The following SLC7A9 variants were observed in gnomAD, a reference collection of about 807,000 sequenced individuals.
SLC7A9 encodes solute carrier family 7 member 9, also known as B(0,+)-type amino acid transporter 1.
Under a neutral mutation model 54.1 loss-of-function variants are expected in SLC7A9, and 38 were observed. That is an observed-to-expected ratio of 0.70 (90% CI 0.54 to 0.92). The LOEUF is 0.92. Ranked by LOEUF, SLC7A9 falls within the 40% of genes least tolerant of loss-of-function variation. The pLI is 0.00. For synonymous variants in SLC7A9, 264 were observed against 258.9 expected, an observed-to-expected ratio of 1.02 and a Z score of -0.19; for missense variants, 537 against 636.1, an observed-to-expected ratio of 0.84 and a Z score of 1.68.
chr19:32,837,148 C>T (rs1362535351), intron 11 of SLC7A9, among the ~76,000 whole-genome samples: 1 of 152,058 alleles, frequency 6.6e-6, no homozygotes, highest in African/African-American at 2.4e-5. Flanking sequence ...GAGTGATGTT[C>T]TATGGAAGAA....
chr19:32,832,986 C>T (rs1010020448), intron 12 of SLC7A9, 163 bp downstream of exon 12: 4 of 739,326 alleles, frequency 5.4e-6, no homozygotes, highest in African/African-American at 5.2e-5. Flanking sequence ...AAGGGTGGAC[C>T]CAGAGGTGTA....
At chr19:32,831,865 G>A (rs575987462) in intron 12 of SLC7A9, among the ~76,000 whole-genome samples, 1 of 152,366 alleles carries the variant, frequency 6.6e-6, no homozygotes, top group Admixed American at 6.5e-5. Flanking sequence ...ATCAGACAAA[G>A]GAGAATGGTG....
At chr19:32,856,008 AC>A (rs1968616738) in intron 9 of SLC7A9, among the ~76,000 whole-genome samples, 1 of 152,152 alleles carries the variant, frequency 6.6e-6, no homozygotes, top group South Asian at 2.1e-4. Context: ...AAAAATTCAA[AC>A]ATAGCAATAG....
At chr19:32,839,709 C>A (rs555025804) in intron 11 of SLC7A9, among the ~76,000 whole-genome samples, 33 of 152,262 alleles carry the variant, frequency 2.2e-4, no homozygotes, top group Non-Finnish European at 3.4e-4. Context: ...TTGCTCCACT[C>A]TCTTGCAGCA....
At position 32,850,389 on chromosome 19, in the gene SLC7A9, C is replaced by T. The variant is rs1312284253; in HGVS notation, c.978-6438G>A. 6.0e-5 allele frequency among the ~76,000 whole-genome samples: 9 copies of T among 150,940 alleles called. 1 individual carries two copies. The highest frequency in any genetic ancestry group is 8.8e-5 in the Non-Finnish European group (6 of 67,836). On this transcript the variant is annotated intron_variant, in intron 9 of 12. Coordinates refer to ENST00000023064, the MANE Select transcript of SLC7A9 (RefSeq NM_014270.5). ...CACAAGCATTCTTATACACCAATAACAGACAGAGAGCCAAATCATGAGTGA... is the reference window on the plus strand; with the variant it reads ...CACAAGCATTCTTATACACCAATAATAGACAGAGAGCCAAATCATGAGTGA...
At chr19:32,847,778 G>C (rs1434157463) in intron 9 of SLC7A9, among the ~76,000 whole-genome samples, 1 of 152,212 alleles carries the variant, frequency 6.6e-6, no homozygotes, top group African/African-American at 2.4e-5. Context: ...GCTAAGGGCA[G>C]CCAGAGAGAA....
At chr19:32,837,075 C>T (rs935141181) in intron 11 of SLC7A9, among the ~76,000 whole-genome samples, 7 of 152,086 alleles carry the variant, frequency 4.6e-5, no homozygotes, top group African/African-American at 1.4e-4. Flanking sequence ...TCCATTCTCT[C>T]GTGTTGTTTT....
intron 9 of SLC7A9, 123 bp downstream of exon 9, chr19:32,858,317 A>G (rs1462591766): frequency 8.3e-6 from 6 of 722,938 alleles, no homozygotes; most frequent in Non-Finnish European, 1.2e-5. Context: ...TGGGTCTCCT[A>G]CTTGTACTGG....
intron 11 of SLC7A9, among the ~76,000 whole-genome samples, chr19:32,837,542 A>G (rs1967997804): frequency 6.6e-6 from 1 of 152,020 alleles, no homozygotes; most frequent in Non-Finnish European, 1.5e-5. Flanking sequence ...CCCAACCAAA[A>G]AACAGTAAAT....
chr19:32,852,115 A>G (rs1165508583), intron 9 of SLC7A9, among the ~76,000 whole-genome samples: 1 of 152,122 alleles, frequency 6.6e-6, no homozygotes, highest in Non-Finnish European at 1.5e-5. Context: ...TGGCACATGT[A>G]TACATATGTA....
chr19:32,867,800 C>T (rs1342226812), intron 2 of SLC7A9, among the ~76,000 whole-genome samples: 1 of 151,264 alleles, frequency 6.6e-6, no homozygotes, highest in East Asian at 2.0e-4. Flanking sequence ...CAAAAATTAG[C>T]CAGGCGTAGT....
intron 6 of SLC7A9, among the ~76,000 whole-genome samples, chr19:32,861,814 T>C (rs1233769348): frequency 2.0e-5 from 3 of 151,810 alleles, no homozygotes; most frequent in Non-Finnish European, 4.4e-5. Context: ...GATCCTGTCT[T>C]AAAAAAACAA....
At chr19:32,864,388 C>G (rs1010794152) in intron 3 of SLC7A9, 50 bp from the exon 4 acceptor site, 2 of 1,610,522 alleles carry the variant, frequency 1.2e-6, no homozygotes, top group African/African-American at 1.3e-5. Flanking sequence ...GGCACTGCCC[C>G]GGCCCCAGGG....
intron 11 of SLC7A9, among the ~76,000 whole-genome samples, chr19:32,839,534 CAG>C (rs1358267857): frequency 1.4e-5 from 2 of 138,648 alleles, no homozygotes; most frequent in Non-Finnish European, 3.0e-5. Flanking sequence ...GCCTGGATGA[CAG>C]AGTGACACTC....
At position 32,868,636 on chromosome 19, in the gene SLC7A9, G is replaced by C. The variant is rs1370567801; in HGVS notation, c.-102C>G. ...GCAAGTGCAAGCTCGGCCTGGACTA[G>C]GGGAGCTGGCTGCAAAAGCACAGTG... On this transcript the variant is annotated 5_prime_UTR_variant, in exon 2 of 13. Coordinates refer to ENST00000023064, the MANE Select transcript of SLC7A9 (RefSeq NM_014270.5). 1 of 971,480 alleles carries C rather than the reference G, an allele frequency of 1.0e-6. No homozygotes were observed. The highest frequency in any genetic ancestry group is 1.6e-5 in the African/African-American group (1 of 62,632). 60.2% of individuals were successfully genotyped at this position (971,480 alleles called of 1,614,324 possible).
At chr19:32,855,825 T>A (rs1306513254) in intron 9 of SLC7A9, among the ~76,000 whole-genome samples, 1 of 152,194 alleles carries the variant, frequency 6.6e-6, no homozygotes, top group Admixed American at 6.5e-5. Flanking sequence ...AGCCTTTGTC[T>A]CTTTGCAGTC....
intron 9 of SLC7A9, among the ~76,000 whole-genome samples, chr19:32,848,815 A>C (rs1193840984): frequency 6.6e-6 from 1 of 152,222 alleles, no homozygotes; most frequent in South Asian, 2.1e-4. Context: ...GTAAAAGGAC[A>C]GAAATTATAA....
chr19:32,831,490 C>T (rs1028517187), intron 12 of SLC7A9, among the ~76,000 whole-genome samples: 12 of 151,984 alleles, frequency 7.9e-5, no homozygotes, highest in Non-Finnish European at 1.2e-4. Context: ...GGGGTTTCAC[C>T]GTGTTAGCCA....
intron 4 of SLC7A9, 173 bp from the exon 5 acceptor site, chr19:32,862,759 C>A: frequency 2.0e-6 from 1 of 508,006 alleles, no homozygotes. Flanking sequence ...GCAATCTTTG[C>A]CTCCCCGGTT....
Sources: gnomAD v4.1 joint callset for allele counts (sites outside exome capture counted in the v4.1 genomes callset) on GRCh38, gnomAD v4.1.1 for gene constraint, MANE v1.5 for transcripts, NCBI Gene and HGNC (gene_info 2026-07-23, HGNC 2026-07-21) for gene names.